The following B3GALT5 variants were observed in gnomAD, a reference collection of about 807,000 sequenced individuals.
B3GALT5 encodes UDP-Gal:betaGlcNAc beta 1,3-galactosyltransferase, polypeptide 5.
For missense variants in B3GALT5, 328 were observed against 396.6 expected (o/e 0.83, Z 1.47); for synonymous variants, 156 against 158.6 (o/e 0.98, Z 0.12).
intron 1 of B3GALT5, among the ~76,000 whole-genome samples, chr21:39,634,575 T>C (rs1440843919): frequency 6.6e-6 from 1 of 152,126 alleles, no homozygotes; most frequent in Non-Finnish European, 1.5e-5. Context: ...AATGACGGTC[T>C]AGGTTGTACA....
At chr21:39,654,950 C>T (rs919951871) in intron 2 of B3GALT5, among the ~76,000 whole-genome samples, 3 of 152,164 alleles carry the variant, frequency 2.0e-5, no homozygotes, top group Non-Finnish European at 2.9e-5. Context: ...AGTATTTGCT[C>T]TTTTATGATA....
At chr21:39,635,154 C>T (rs893515988) in intron 1 of B3GALT5, among the ~76,000 whole-genome samples, 1 of 152,160 alleles carries the variant, frequency 6.6e-6, no homozygotes, top group Non-Finnish European at 1.5e-5. Context: ...GGCATGCCTG[C>T]GGGACCCGTG....
chr21:39,642,332 A>T (rs568840611), intron 1 of B3GALT5, among the ~76,000 whole-genome samples: 34 of 152,358 alleles, frequency 2.2e-4, no homozygotes, highest in African/African-American at 8.2e-4. Context: ...TAAAGTTAGT[A>T]ATAAATGGTA....
chr21:39,625,589 T>C (rs1045531585), intron 1 of B3GALT5, among the ~76,000 whole-genome samples: 1 of 152,214 alleles, frequency 6.6e-6, no homozygotes. Context: ...TTGAGATTCA[T>C]TATGCATATT....
At chr21:39,621,173 C>A (rs547641253) in intron 1 of B3GALT5, among the ~76,000 whole-genome samples, 33 of 152,332 alleles carry the variant, frequency 2.2e-4, no homozygotes, top group Non-Finnish European at 8.8e-5. Context: ...GTTTCACTAT[C>A]AAATATGTCT....
intron 1 of B3GALT5, among the ~76,000 whole-genome samples, chr21:39,632,642 T>C (rs926107394): frequency 5.9e-5 from 9 of 152,194 alleles, no homozygotes; most frequent in South Asian, 2.1e-4. Context: ...TTAATATGCA[T>C]TGGAACTTCA....
In B3GALT5 at chr21:39,671,267, T is replaced by A. The variant is rs2079625272; in HGVS notation, c.*9775T>A. 1 of 152,242 alleles carries A rather than the reference T, an allele frequency of 6.6e-6. No homozygotes were observed. The highest frequency in any genetic ancestry group is 1.5e-5 in the Non-Finnish European group (1 of 68,040). The allele number at this position is 152,242 out of a possible 1,614,324, so 9.4% of individuals were successfully genotyped here. A position where few individuals can be genotyped will look rare whatever the true frequency, so the allele number is the denominator to read the frequency against. ...ACATTCAAACTGTAGCAGGAATTAT[T>A]TGCTTTCTCATAACATTTTTTTAAT... On this transcript the variant is annotated 3_prime_UTR_variant, in exon 4 of 4. Transcript: ENST00000684187.
intron 1 of B3GALT5, among the ~76,000 whole-genome samples, chr21:39,641,140 A>C (rs1239116502): frequency 1.3e-5 from 2 of 152,230 alleles, no homozygotes; most frequent in Non-Finnish European, 2.9e-5. Flanking sequence ...AAGATGCCAA[A>C]AAGTAGTTTG....
chr21:39,671,645 A>G lies in B3GALT5; in HGVS notation c.*10153A>G, dbSNP rs1422881640. ...CGTTCTACGTGACCCCAAAATCTGT[A>G]TGTGAACACTAGGAACTTTATCATG... On this transcript the variant is annotated 3_prime_UTR_variant, in exon 4 of 4. Transcript: ENST00000684187. 2.0e-5 allele frequency: 3 copies of G among 152,216 alleles called. No individual in the cohort carries two copies. The highest frequency in any genetic ancestry group is 4.4e-5 in the Non-Finnish European group (3 of 68,050). The allele number at this position is 152,216 out of a possible 1,614,324, so 9.4% of individuals were successfully genotyped here. A position where few individuals can be genotyped will look rare whatever the true frequency, so the allele number is the denominator to read the frequency against.
chr21:39,632,781 G>A (rs907805224), intron 1 of B3GALT5, among the ~76,000 whole-genome samples: 1 of 152,186 alleles, frequency 6.6e-6, no homozygotes, highest in Non-Finnish European at 1.5e-5. Flanking sequence ...AGGGATGGGG[G>A]TATAAATGTG....
At position 39,665,212 on chromosome 21, in the gene B3GALT5, CA is replaced by C. The variant is rs1321727287; in HGVS notation, c.*3721del. 1 of 152,258 alleles carries C rather than the reference CA, an allele frequency of 6.6e-6. No individual in the cohort carries two copies. The highest frequency in any genetic ancestry group is 2.1e-4 in the South Asian group (1 of 4,798). The allele number at this position is 152,258 out of a possible 1,614,324, so 9.4% of individuals were successfully genotyped here. A position where few individuals can be genotyped will look rare whatever the true frequency, so the allele number is the denominator to read the frequency against. On this transcript the variant is annotated 3_prime_UTR_variant, in exon 4 of 4. Coordinates refer to ENST00000684187, the MANE Select transcript of B3GALT5 (RefSeq NM_001356336.2). ...CCGACTCCTCTCCCATCTGGTGCAT[CA>C]GGAAAGACTGTGGGAACTACCTTCA... is the stretch of plus-strand genomic sequence containing the variant.
chr21:39,624,410 A>G (rs1022782571), intron 1 of B3GALT5, among the ~76,000 whole-genome samples: 2 of 152,198 alleles, frequency 1.3e-5, no homozygotes, highest in East Asian at 3.9e-4. Context: ...CCCAGGCCCT[A>G]CTACACATTT....
At chr21:39,636,287 A>T (rs749291238) in intron 1 of B3GALT5, among the ~76,000 whole-genome samples, 1 of 152,242 alleles carries the variant, frequency 6.6e-6, no homozygotes, top group Non-Finnish European at 1.5e-5. Flanking sequence ...AATTAACAGA[A>T]TGAACCAGGA....
At chr21:39,655,077 C>T (rs576117737) in intron 2 of B3GALT5, among the ~76,000 whole-genome samples, 2 of 152,268 alleles carry the variant, frequency 1.3e-5, no homozygotes, top group African/African-American at 4.8e-5. Context: ...TGGAAAGTCC[C>T]AAGATCTGCA....
chr21:39,621,475 GTT>G (rs920549477), intron 1 of B3GALT5, among the ~76,000 whole-genome samples: 1 of 143,904 alleles, frequency 6.9e-6, no homozygotes, highest in African/African-American at 2.5e-5. Flanking sequence ...GCACAAAAAG[GTT>G]TTTTTTTTTT....
chr21:39,656,918 G>T (rs1359500746), intron 2 of B3GALT5, among the ~76,000 whole-genome samples: 2 of 152,206 alleles, frequency 1.3e-5, no homozygotes, highest in Admixed American at 1.3e-4. Flanking sequence ...GTTCTCTGGG[G>T]TTTCAGGAGG....
chr21:39,657,673 C>A, intron 2 of B3GALT5: 5 of 384,844 alleles, frequency 1.3e-5, no homozygotes, highest in Non-Finnish European at 2.3e-5. Context: ...GTCTGTCTAT[C>A]TATCTATCTG....
chr21:39,636,488 C>A (rs1260666218), intron 1 of B3GALT5, among the ~76,000 whole-genome samples: 1 of 152,094 alleles, frequency 6.6e-6, no homozygotes, highest in Non-Finnish European at 1.5e-5. Flanking sequence ...TCCAACCCCC[C>A]TGTTGTTGCT....
In B3GALT5 at chr21:39,661,322, A is replaced by G. The variant is rs1224740341; in HGVS notation, c.763A>G (p.Ile255Val). ...FVGLCLERLN[I>V]RLEELHSQPT... ...GGGGCTCTGCCTCGAAAGGCTGAAC[A>G]TCAGATTGGAGGAGCTCCACTCCCA... Residue 255 changes from isoleucine to valine, a missense_variant, in exon 4 of 4, where the codon ATC becomes GTC. Physicochemically the swap from Ile to Val is conservative, Grantham distance 29 (BLOSUM62 3). Coordinates refer to ENST00000684187, the MANE Select transcript of B3GALT5 (RefSeq NM_001356336.2). The surrounding 1 kb of genome is among the most constrained non-coding windows in gnomAD (Gnocchi z 4.7). 1.9e-6 allele frequency: 3 copies of G among 1,613,986 alleles called. No homozygotes were observed. The highest frequency in any genetic ancestry group is 2.7e-5 in the African/African-American group (2 of 74,936).
Sources: allele counts gnomAD v4.1 joint callset (sites outside exome capture counted in the v4.1 genomes callset), GRCh38; gene constraint gnomAD v4.1.1; non-coding constraint Gnocchi (gnomAD v3.1); transcripts MANE v1.5; gene names NCBI Gene and HGNC (gene_info 2026-07-23, HGNC 2026-07-21).